Variants in PRKG1 observed in about 807,000 individuals in gnomAD.
PRKG1 encodes the protein cGMP-dependent protein kinase 1.
A neutral mutation model predicts 88.1 loss-of-function variants in PRKG1; 35 were observed. That is an observed-to-expected ratio of 0.40 (90% CI 0.30 to 0.53). The LOEUF (loss-of-function observed/expected upper bound fraction) is 0.53, where lower values mean the gene tolerates loss of function less well. Among genes scored for constraint, PRKG1 ranks in the 20% least tolerant of loss-of-function variants. The pLI is 0.59. For missense variants in PRKG1, 540 were observed against 839.8 expected (o/e 0.64, Z 4.41); for synonymous variants, 303 against 292.5 (o/e 1.04, Z -0.37).
chr10:51,283,082 T>A (rs1474124434), intron 2 of PRKG1, among the ~76,000 whole-genome samples: 1 of 152,162 alleles, frequency 6.6e-6, no homozygotes, highest in African/African-American at 2.4e-5. Context: ...CAGCTTCTCA[T>A]GCCCTGTTCA....
At chr10:51,572,659 C>T (rs1019778676) in intron 3 of PRKG1, among the ~76,000 whole-genome samples, 2 of 151,836 alleles carry the variant, frequency 1.3e-5, no homozygotes, top group Non-Finnish European at 2.9e-5. Context: ...CCTACTGAAA[C>T]TCTGGGATCA....
intron 3 of PRKG1, among the ~76,000 whole-genome samples, chr10:51,653,482 A>G (rs966614580): frequency 5.3e-5 from 8 of 152,140 alleles, no homozygotes; most frequent in Non-Finnish European, 1.0e-4. Context: ...AATTTTTCGT[A>G]TAACTATTGG....
chr10:51,170,842 TTTA>T (rs1465422126), intron 2 of PRKG1, among the ~76,000 whole-genome samples: 1 of 151,914 alleles, frequency 6.6e-6, no homozygotes, highest in Non-Finnish European at 1.5e-5. Context: ...TCTAAGAATT[TTTA>T]TTATTATTTT....
chr10:51,242,644 G>C (rs1839184390), intron 2 of PRKG1, among the ~76,000 whole-genome samples: 1 of 152,154 alleles, frequency 6.6e-6, no homozygotes, highest in African/African-American at 2.4e-5. Flanking sequence ...GTAACACTGG[G>C]ATAAATGCAA....
intron 2 of PRKG1, among the ~76,000 whole-genome samples, chr10:51,432,349 T>C (rs1838794723): frequency 6.6e-6 from 1 of 152,158 alleles, no homozygotes; most frequent in Non-Finnish European, 1.5e-5. Context: ...GATGTTACCA[T>C]CTCTCATGTT....
rs11312625 is a variant in PRKG1 at position 52,040,832 on chromosome 10, CTTTTTTTTT to C, written c.763-13639_763-13631del. ...TGTGAGTTTGTCATAAATGGCTTTT[CTTTTTTTTT>C]TTTTTTTTTTTTGAGATGGGAGTCT... On this transcript the variant is annotated intron_variant, in intron 5 of 17. Transcript: ENST00000373980. Among the ~76,000 whole-genome samples the C allele has an allele frequency of 1.3e-4, 11 of 85,260 alleles. 1 individual carries two copies. In the Admixed American group the frequency reaches 1.3e-3, roughly 10 times the overall value. The allele number at this position is 85,260 out of a possible 152,430, so 55.9% of individuals were successfully genotyped here.
intron 7 of PRKG1, among the ~76,000 whole-genome samples, chr10:52,095,016 GC>G (rs1179418771): frequency 1.3e-5 from 2 of 151,978 alleles, no homozygotes; most frequent in East Asian, 3.9e-4. Context: ...CTGCTTTTTG[GC>G]CACTGGATTC....
At chr10:51,403,081 C>T (rs1382978556) in intron 2 of PRKG1, among the ~76,000 whole-genome samples, 1 of 152,158 alleles carries the variant, frequency 6.6e-6, no homozygotes, top group Admixed American at 6.6e-5. Flanking sequence ...GGAACCAAAA[C>T]TCAGCATTGG....
intron 9 of PRKG1, among the ~76,000 whole-genome samples, chr10:52,242,467 A>C (rs562576509): frequency 6.6e-6 from 1 of 152,372 alleles, no homozygotes; most frequent in East Asian, 1.9e-4. Flanking sequence ...TAAAGCAAAA[A>C]AGAATCATCA....
intron 2 of PRKG1, among the ~76,000 whole-genome samples, chr10:51,374,489 T>C (rs1842779180): frequency 6.6e-6 from 1 of 152,162 alleles, no homozygotes; most frequent in South Asian, 2.1e-4. Flanking sequence ...GTAAGGACTT[T>C]AAGAGGTGTT....
chr10:52,238,777 T>C (rs1411731648), intron 9 of PRKG1, among the ~76,000 whole-genome samples: 1 of 150,108 alleles, frequency 6.7e-6, no homozygotes, highest in East Asian at 2.0e-4. Flanking sequence ...TCCTCAGGGA[T>C]CTAGAGCTAG....
intron 1 of PRKG1, among the ~76,000 whole-genome samples, chr10:51,100,972 C>G (rs1390308603): frequency 6.6e-6 from 1 of 152,106 alleles, no homozygotes; most frequent in Non-Finnish European, 1.5e-5. Flanking sequence ...TGGTTTTGAA[C>G]CAACATGAGG....
chr10:51,262,033 C>T (rs1839722421), intron 2 of PRKG1, among the ~76,000 whole-genome samples: 1 of 151,450 alleles, frequency 6.6e-6, no homozygotes, highest in Non-Finnish European at 1.5e-5. Context: ...ACTACAGGCG[C>T]CCGCCACTAT....
chr10:51,885,455 G>A (rs2132890661), intron 4 of PRKG1, among the ~76,000 whole-genome samples: 1 of 152,234 alleles, frequency 6.6e-6, no homozygotes, highest in South Asian at 2.1e-4. Flanking sequence ...AAATTATCTG[G>A]GAACATTTTG....
chr10:51,405,142 G>C (rs1279109469), intron 2 of PRKG1, among the ~76,000 whole-genome samples: 2 of 152,090 alleles, frequency 1.3e-5, no homozygotes, highest in Non-Finnish European at 2.9e-5. Flanking sequence ...GTTTATTTTT[G>C]TGCCACTCAT....
At chr10:52,224,667 G>A (rs916917902) in intron 9 of PRKG1, among the ~76,000 whole-genome samples, 2 of 149,394 alleles carry the variant, frequency 1.3e-5, no homozygotes, top group Non-Finnish European at 3.0e-5. Context: ...TCATAGCTTA[G>A]CTCCCACATA....
intron 5 of PRKG1, among the ~76,000 whole-genome samples, chr10:52,002,582 G>C (rs1057081975): frequency 6.6e-6 from 1 of 152,094 alleles, no homozygotes; most frequent in Admixed American, 6.6e-5. Flanking sequence ...CCTCAAGATT[G>C]CTCCAGTTAA....
At chr10:52,234,930 C>A (rs370908161) in intron 9 of PRKG1, among the ~76,000 whole-genome samples, 2 of 120,430 alleles carry the variant, frequency 1.7e-5, no homozygotes. Flanking sequence ...GTCGGGTTAC[C>A]CTCAAAGGGA....
At chr10:51,838,836 G>C (rs972255645) in intron 4 of PRKG1, among the ~76,000 whole-genome samples, 1 of 152,126 alleles carries the variant, frequency 6.6e-6, no homozygotes, top group African/African-American at 2.4e-5. Flanking sequence ...AAACAACCAA[G>C]TTCGTTCTGA....
Sources: allele counts gnomAD v4.1 joint callset (sites outside exome capture counted in the v4.1 genomes callset), GRCh38; gene constraint gnomAD v4.1.1; transcripts MANE v1.5; gene names NCBI Gene and HGNC (gene_info 2026-07-23, HGNC 2026-07-21).